The following SLCO2A1 variants were observed in gnomAD, a reference collection of about 807,000 sequenced individuals.
SLCO2A1 encodes solute carrier organic anion transporter family member 2A1, also known as matrin F/G 1.
SLCO2A1 carries 60 observed loss-of-function variants against 71.7 expected under a neutral mutation model. The ratio of observed to expected loss-of-function variants is 0.84; its 90% CI spans 0.68 to 1.04. The LOEUF is 1.04. Among genes scored for constraint, SLCO2A1 ranks in the 50% least tolerant of loss-of-function variants. The pLI, the probability that SLCO2A1 is intolerant of heterozygous loss-of-function variation, is 0.00. For missense variants in SLCO2A1, 745 were observed against 813.4 expected, an observed-to-expected ratio of 0.92 and a Z score of 1.02; for synonymous variants, 308 against 326.7, an observed-to-expected ratio of 0.94 and a Z score of 0.62.
intron 2 of SLCO2A1, among the ~76,000 whole-genome samples, chr3:133,975,454 C>T (rs528942448): frequency 5.7e-4 from 87 of 152,300 alleles, no homozygotes; most frequent in Non-Finnish European, 1.0e-3. Context: ...AGCCTCCTAA[C>T]GGGACCCTGC....
intron 5 of SLCO2A1, among the ~76,000 whole-genome samples, chr3:133,953,414 TC>T (rs1391153080): frequency 2.6e-5 from 4 of 152,132 alleles, no homozygotes; most frequent in Admixed American, 2.0e-4. Flanking sequence ...TCTCCAAACT[TC>T]TTAAGGGCAG....
chr3:133,955,837 G>A (rs1245314490), intron 3 of SLCO2A1, among the ~76,000 whole-genome samples: 1 of 152,190 alleles, frequency 6.6e-6, no homozygotes, highest in Non-Finnish European at 1.5e-5. Context: ...CAGAACTTCT[G>A]ATGCTGGAGG....
intron 1 of SLCO2A1, among the ~76,000 whole-genome samples, chr3:134,028,061 T>C (rs907729761): frequency 1.3e-5 from 2 of 152,170 alleles, no homozygotes; most frequent in African/African-American, 4.8e-5. Context: ...ACATGAGAAA[T>C]CATCTTATTT....
chr3:133,955,114 G>C lies in SLCO2A1; in HGVS notation c.477C>G (p.Thr159=). 1.2e-6 allele frequency: 2 copies of C among 1,614,184 alleles called. No homozygotes were observed. Among genetic ancestry groups the C allele is most frequent in the Non-Finnish European group, 1.7e-6 (2 of 1,180,024 alleles). ...TGCTGGTCTCCTTCTGGGGGTTCTG[G>C]GTGGTGCTGTGGCACTTACTGGGAG... ...DLPPSKCHST[T]QNPQKETSSM... The change falls in exon 4 of 14, where the codon ACC becomes ACG. Residue 159 remains threonine, a synonymous_variant. Coordinates refer to ENST00000310926, the MANE Select transcript of SLCO2A1 (RefSeq NM_005630.3).
intron 1 of SLCO2A1, among the ~76,000 whole-genome samples, chr3:134,008,320 T>C (rs1471564617): frequency 6.6e-6 from 1 of 152,262 alleles, no homozygotes; most frequent in East Asian, 1.9e-4. Context: ...TAGTCCACTC[T>C]GTTTTATTCA....
chr3:133,995,989 C>T (rs960933888), intron 1 of SLCO2A1, among the ~76,000 whole-genome samples: 1 of 152,210 alleles, frequency 6.6e-6, no homozygotes, highest in Non-Finnish European at 1.5e-5. Context: ...ACCAGAGCTC[C>T]CAATACAACC....
intron 1 of SLCO2A1, among the ~76,000 whole-genome samples, chr3:134,028,628 T>G (rs967234744): frequency 6.6e-6 from 1 of 152,168 alleles, no homozygotes; most frequent in Non-Finnish European, 1.5e-5. Flanking sequence ...ATCATCCCTT[T>G]GTGTAATCTG....
chr3:134,029,506 A>G (rs1400708608), intron 1 of SLCO2A1, among the ~76,000 whole-genome samples: 2 of 147,560 alleles, frequency 1.4e-5, no homozygotes, highest in South Asian at 4.3e-4. Context: ...GCACACACAC[A>G]CGCTCACACA....
At chr3:134,005,620 T>G (rs2108072064) in intron 1 of SLCO2A1, among the ~76,000 whole-genome samples, 1 of 151,986 alleles carries the variant, frequency 6.6e-6, no homozygotes, top group East Asian at 1.9e-4. Flanking sequence ...TAGCTGGGAC[T>G]ACAGGCGCCT....
chr3:133,962,345 G>T (rs763300813), intron 3 of SLCO2A1, among the ~76,000 whole-genome samples: 1 of 152,146 alleles, frequency 6.6e-6, no homozygotes, highest in Admixed American at 6.5e-5. Flanking sequence ...CTCCCAAAGT[G>T]CTGGGATTAT....
chr3:133,955,246 G>A (rs1933854502), intron 3 of SLCO2A1, 53 bp from the exon 4 acceptor site: 13 of 1,514,302 alleles, frequency 8.6e-6, no homozygotes, highest in South Asian at 3.7e-5. Context: ...TGGTTCCACC[G>A]GCTGGCCTCC....
At chr3:134,015,174 T>C (rs1233587344) in intron 1 of SLCO2A1, among the ~76,000 whole-genome samples, 1 of 152,214 alleles carries the variant, frequency 6.6e-6, no homozygotes, top group Non-Finnish European at 1.5e-5. Flanking sequence ...ATAGCGAAGA[T>C]ATGGAATCAA....
At chr3:134,003,381 G>A (rs1232706922) in intron 1 of SLCO2A1, among the ~76,000 whole-genome samples, 5 of 150,182 alleles carry the variant, frequency 3.3e-5, no homozygotes, top group East Asian at 2.0e-4. Flanking sequence ...CATAAGGAAC[G>A]GACATCTACA....
intron 1 of SLCO2A1, among the ~76,000 whole-genome samples, chr3:134,017,062 T>C (rs1015471251): frequency 7.9e-5 from 12 of 152,172 alleles, no homozygotes; most frequent in Admixed American, 1.3e-4. Context: ...GACGTGACTA[T>C]AAACGGGTCA....
intron 4 of SLCO2A1, among the ~76,000 whole-genome samples, chr3:133,954,539 G>A (rs1243595013): frequency 6.6e-6 from 1 of 152,170 alleles, no homozygotes; most frequent in Non-Finnish European, 1.5e-5. Context: ...GCTTCTTTGA[G>A]GCCAACCTGC....
Position 133,995,108 on chromosome 3 carries a change from A to G in SLCO2A1, c.97-15490T>C, listed in dbSNP as rs73861299. Among the ~76,000 whole-genome samples, 879 of 152,022 alleles carry G rather than the reference A, an allele frequency of 5.8e-3. 11 individuals are homozygous for G. Among genetic ancestry groups the G allele is most frequent in the East Asian group, 0.027 (137 of 5,158 alleles). On this transcript the variant is annotated intron_variant, in intron 1 of 13. Coordinates refer to ENST00000310926, the MANE Select transcript of SLCO2A1 (RefSeq NM_005630.3). ...GACTGGTACCCAGATGAAGAAAGAG[A>G]TCATCATCAGCTTCCCAGAAACCCC...
At chr3:133,962,498 G>A (rs1934062851) in intron 3 of SLCO2A1, among the ~76,000 whole-genome samples, 1 of 152,158 alleles carries the variant, frequency 6.6e-6, no homozygotes, top group African/African-American at 2.4e-5. Flanking sequence ...AGGAAGAAGG[G>A]GAAGAAAAAG....
intron 3 of SLCO2A1, among the ~76,000 whole-genome samples, chr3:133,969,474 A>G (rs544816852): frequency 6.6e-6 from 1 of 152,056 alleles, no homozygotes; most frequent in Non-Finnish European, 1.5e-5. Flanking sequence ...AAAGCCTCAA[A>G]CTTCTGGGCT....
intron 1 of SLCO2A1, among the ~76,000 whole-genome samples, chr3:133,985,297 C>T (rs779726913): frequency 1.8e-4 from 28 of 152,212 alleles, no homozygotes; most frequent in Non-Finnish European, 4.0e-4. Context: ...GTAGTAAAGA[C>T]TTAGTTAAGT....
Sources: gnomAD v4.1 joint callset for allele counts (sites outside exome capture counted in the v4.1 genomes callset) on GRCh38, gnomAD v4.1.1 for gene constraint, MANE v1.5 for transcripts, NCBI Gene and HGNC (gene_info 2026-07-23, HGNC 2026-07-21) for gene names.